Variants in TNRC6B observed in about 807,000 individuals in gnomAD.
The protein encoded by TNRC6B is trinucleotide repeat containing adaptor 6B.
Under a neutral mutation model 203.6 loss-of-function variants are expected in TNRC6B, and 52 were observed. The observed-to-expected ratio is 0.26, with a 90% CI of 0.20 to 0.32. TNRC6B has a LOEUF of 0.32. Ranked by LOEUF, TNRC6B falls within the 10% of genes least tolerant of loss-of-function variation. The pLI, the probability that TNRC6B is intolerant of heterozygous loss-of-function variation, is 1.00. For synonymous variants in TNRC6B, 838 were observed against 845.7 expected, an observed-to-expected ratio of 0.99 and a Z score of 0.16; for missense variants, 1,923 against 2,286.2, an observed-to-expected ratio of 0.84 and a Z score of 3.24.
rs757503761 is a variant in TNRC6B, at chr22:40,323,214, T to C, written c.5475T>C (p.Leu1825=). Residue 1825 remains leucine (L), a synonymous_variant, in exon 23 of 23, where the codon CTT becomes CTC. Coordinates refer to ENST00000454349, the MANE Select transcript of TNRC6B (RefSeq NM_001162501.2). ...GSPAPLLPGD[L]LGGGSDSI The stretch of plus-strand genomic sequence containing the variant: ...CTGCTCCTTTACTACCTGGTGACCT[T>C]CTGGGAGGAGGGTCGGATTCAATCT... 46 of 1,612,946 alleles carry C rather than the reference T, an allele frequency of 2.9e-5. No individual in the cohort carries two copies. Among genetic ancestry groups the C allele is most frequent in the Middle Eastern group, 1.8e-4 (1 of 5,596 alleles).
chr22:40,049,486 A>C (rs1324001418), intron 1 of TNRC6B, among the ~76,000 whole-genome samples: 13 of 151,952 alleles, frequency 8.6e-5, no homozygotes, highest in African/African-American at 2.9e-4. Context: ...TCTTTTTCTA[A>C]TCTTCATAAG....
chr22:40,086,367 C>A (rs1435018310), intron 1 of TNRC6B, among the ~76,000 whole-genome samples: 1 of 152,152 alleles, frequency 6.6e-6, no homozygotes, highest in African/African-American at 2.4e-5. Context: ...CATCATATTT[C>A]ATAGATGTGA....
At chr22:40,079,105 G>T (rs1288118316) in intron 1 of TNRC6B, among the ~76,000 whole-genome samples, 2 of 151,990 alleles carry the variant, frequency 1.3e-5, no homozygotes, top group Non-Finnish European at 2.9e-5. Context: ...AAGAAACAGG[G>T]TTTCGCCGTG....
chr22:40,308,399 A>G, intron 15 of TNRC6B, 113 bp from the exon 16 acceptor site: 1 of 1,247,444 alleles, frequency 8.0e-7, no homozygotes, highest in Non-Finnish European at 1.2e-6. Context: ...TTCTGAGTGG[A>G]GAAACTCTGT....
At position 40,121,204 on chromosome 22, in the gene TNRC6B, T is replaced by G. The variant is rs569139500; in HGVS notation, c.-47+4076T>G. Among the ~76,000 whole-genome samples, 58 of 151,976 alleles carry G rather than the reference T, an allele frequency of 3.8e-4. 1 individual carries two copies. Among genetic ancestry groups the G allele is most frequent in the South Asian group, 3.1e-3 (15 of 4,826 alleles). On this transcript the variant is annotated intron_variant, in intron 2 of 23. Transcript: ENST00000301923. ...TAGGTCAGCCAGGGTTATGCCAGTC[T>G]TCCTTCCTCCTTTCCCTCCTCCCTC... is the stretch of plus-strand genomic sequence containing the variant.
intron 1 of TNRC6B, among the ~76,000 whole-genome samples, chr22:40,218,913 G>A (rs752510334): frequency 9.2e-5 from 14 of 152,230 alleles, no homozygotes; most frequent in Non-Finnish European, 2.1e-4. Context: ...GGGAAGGATG[G>A]AGTCATTGGC....
At chr22:40,081,474 C>G (rs2068063764) in intron 1 of TNRC6B, among the ~76,000 whole-genome samples, 1 of 152,142 alleles carries the variant, frequency 6.6e-6, no homozygotes, top group Admixed American at 6.5e-5. Context: ...GTGCATGTCT[C>G]TGCTGAAACG....
chr22:40,162,398 T>C (rs2068879055), intron 4 of TNRC6B, among the ~76,000 whole-genome samples: 1 of 152,164 alleles, frequency 6.6e-6, no homozygotes, highest in Admixed American at 6.5e-5. Context: ...CCGGTTTTAT[T>C]AGCATATTTC....
upstream of TNRC6B, among the ~76,000 whole-genome samples, chr22:40,173,541 T>TA (rs1487103037): frequency 6.7e-6 from 1 of 149,472 alleles, no homozygotes; most frequent in Non-Finnish European, 1.5e-5. Flanking sequence ...GCCTCCGGAG[T>TA]AGCTAGGACC....
Position 40,265,645 on chromosome 22 carries a change from C to A in TNRC6B, c.1415C>A (p.Ser472Tyr), listed in dbSNP as rs753122544. ...VQKSTGSKND[S>Y]WDNNNRSTGG... ...AAATCAACTGGGTCAAAAAATGACT[C>A]TTGGGACAACAATAACAGGTCTACG... Residue 472 changes from serine to tyrosine, a missense_variant, in exon 5 of 23, where the codon TCT becomes TAT. By Grantham distance (144) the Ser-to-Tyr change is moderately radical. Transcript: ENST00000454349. 1.2e-6 allele frequency: 2 copies of A among 1,613,868 alleles called. No individual in the cohort carries two copies. Among genetic ancestry groups the A allele is most frequent in the South Asian group, 2.2e-5 (2 of 91,050 alleles).
rs539688917 is a variant in TNRC6B at position 40,185,869 on chromosome 22, A to G, written c.5+7729A>G. Reference sequence around the variant, plus strand: ...AAGGTCCTGCTATAAGGCTATGGCCATGCAACTAGGGACCAGGTTTTTAAG... The same window carrying G: ...AAGGTCCTGCTATAAGGCTATGGCCGTGCAACTAGGGACCAGGTTTTTAAG... On this transcript the variant is annotated intron_variant, in intron 1 of 22. Transcript: ENST00000454349. 9.2e-5 allele frequency among the ~76,000 whole-genome samples: 14 copies of G among 152,322 alleles called. No homozygotes were observed. The South Asian group carries it at 2.9e-3, about 32-fold the overall frequency.
intron 1 of TNRC6B, among the ~76,000 whole-genome samples, chr22:40,211,854 T>C (rs530723340): frequency 5.3e-5 from 8 of 152,338 alleles, no homozygotes; most frequent in African/African-American, 1.7e-4. Context: ...CAGGCTACAT[T>C]GTGGCTAATG....
In TNRC6B at chr22:40,207,416, A is replaced by AT. The variant is rs1398233645; in HGVS notation, c.5+29276_5+29277insT. 3.5e-5 allele frequency among the ~76,000 whole-genome samples: 4 copies of AT among 114,706 alleles called. 1 individual carries two copies. The highest frequency in any genetic ancestry group is 4.0e-4 in the East Asian group (2 of 5,024). The allele number at this position is 114,706 out of a possible 152,430, so 75.3% of individuals were successfully genotyped here. ...AGTGAGACCCTGCCTCAAAAAAAAA[A>AT]AAATATATATATATATATATATATA... On this transcript the variant is annotated intron_variant, in intron 1 of 22. Coordinates refer to ENST00000454349, the MANE Select transcript of TNRC6B (RefSeq NM_001162501.2).
At chr22:40,093,397 T>C (rs560070591) in intron 1 of TNRC6B, among the ~76,000 whole-genome samples, 1 of 152,236 alleles carries the variant, frequency 6.6e-6, no homozygotes, top group Non-Finnish European at 1.5e-5. Flanking sequence ...GGAGAGGCAG[T>C]ATTTGAAGAC....
intron 1 of TNRC6B, among the ~76,000 whole-genome samples, chr22:40,193,999 C>T (rs2069305795): frequency 6.6e-6 from 1 of 152,050 alleles, no homozygotes; most frequent in Admixed American, 6.5e-5. Flanking sequence ...GTGAAGAACA[C>T]AGTTAGTTGG....
rs2071433606 is a variant in TNRC6B at position 40,328,925 on chromosome 22, T to A, written c.*5684T>A. The A allele has an allele frequency of 6.6e-6, 1 of 152,422 alleles. No individual in the cohort carries two copies. Among genetic ancestry groups the A allele is most frequent in the Non-Finnish European group, 1.5e-5 (1 of 68,008 alleles). 9.4% of individuals were successfully genotyped at this position (152,422 alleles called of 1,614,324 possible). ...TTTAGAAGTGAGATAAATTTTTCGC[T>A]GGTTAAAAAAAATCAAACTTTCCTC... On this transcript the variant is annotated 3_prime_UTR_variant, in exon 23 of 23. Transcript: ENST00000454349.
intron 1 of TNRC6B, among the ~76,000 whole-genome samples, chr22:40,219,769 T>TCC (rs1225523393): frequency 6.6e-6 from 1 of 152,196 alleles, no homozygotes; most frequent in Admixed American, 6.5e-5. Flanking sequence ...AAGGACCCAT[T>TCC]CCCCGTCCTC....
intron 3 of TNRC6B, among the ~76,000 whole-genome samples, chr22:40,146,434 T>A (rs945460739): frequency 6.6e-6 from 1 of 152,136 alleles, no homozygotes; most frequent in African/African-American, 2.4e-5. Context: ...TCTCTCTTGT[T>A]GCCCAGGCTG....
Position 40,325,410 on chromosome 22 carries a change from T to TAA in TNRC6B, c.*2171_*2172dup, listed in dbSNP as rs1824035557. 2 of 152,768 alleles carry TAA rather than the reference T, an allele frequency of 1.3e-5. No individual in the cohort carries two copies. Among genetic ancestry groups the TAA allele is most frequent in the African/African-American group, 4.8e-5 (2 of 41,574 alleles). The allele number at this position is 152,768 out of a possible 1,614,324, so 9.5% of individuals were successfully genotyped here. ...CCCTTCTGGCTTACCCTGTTGATTA[T>TAA]AAACCTAGCCTCAAAAGAGATTGAC... On this transcript the variant is annotated 3_prime_UTR_variant, in exon 23 of 23. Coordinates refer to ENST00000454349, the MANE Select transcript of TNRC6B (RefSeq NM_001162501.2).
Sources: gnomAD v4.1 joint callset for allele counts (sites outside exome capture counted in the v4.1 genomes callset) on GRCh38, gnomAD v4.1.1 for gene constraint, MANE v1.5 for transcripts, NCBI Gene and HGNC (gene_info 2026-07-23, HGNC 2026-07-21) for gene names.